Variants in MED23 observed in about 807,000 individuals in gnomAD.
MED23 encodes mediator complex subunit 23.
In MED23, 105 loss-of-function variants were observed where a neutral mutation model predicts 163.9. The ratio of observed to expected loss-of-function variants is 0.64; its 90% CI spans 0.55 to 0.75. MED23 has a LOEUF of 0.75. Among genes scored for constraint, MED23 ranks in the 30% least tolerant of loss-of-function variants. The pLI, the probability that MED23 is intolerant of heterozygous loss-of-function variation, is 0.00. For missense variants in MED23, 1,054 were observed against 1,649.0 expected (o/e 0.64, Z 6.25); for synonymous variants, 561 against 565.6 (o/e 0.99, Z 0.12).
rs1376977346 is a variant in MED23, at chr6:131,615,894, C to T, written c.876+13G>A. On this transcript the variant is annotated intron_variant, in intron 10 of 28. Transcript: ENST00000368068. ...TATGCAGAATTTACTAGGTTTCCAGCATAGTACAGTACCTGCTTATTTAAA... is the reference window on the plus strand; with the variant it reads ...TATGCAGAATTTACTAGGTTTCCAGTATAGTACAGTACCTGCTTATTTAAA... 6.3e-7 allele frequency: 1 copy of T among 1,593,384 alleles called. No homozygotes were observed. Among genetic ancestry groups the T allele is most frequent in the Non-Finnish European group, 8.6e-7 (1 of 1,161,294 alleles).
At chr6:131,592,646 T>C (rs1774730900) in intron 24 of MED23, 186 bp from the exon 25 acceptor site, 1 of 624,652 alleles carries the variant, frequency 1.6e-6, no homozygotes, top group Non-Finnish European at 2.8e-6. Flanking sequence ...GAAGGCTTTT[T>C]AAAAATACTT....
Position 131,596,164 on chromosome 6 carries a change from CTG to C in MED23, c.2779-3_2779-2del. The stretch of plus-strand genomic sequence containing the variant: ...CAAAATACAACTTCTCTGGATATTT[CTG>C]TGGAATTGAGAAGATGATAAATGGT... On this transcript the variant is annotated splice_acceptor_variant and splice_polypyrimidine_tract_variant and intron_variant, in intron 21 of 28. Transcript: ENST00000368068. LOFTEE classifies it high-confidence loss of function. 1 of 1,613,136 alleles carries C rather than the reference CTG, an allele frequency of 6.2e-7. No individual in the cohort carries two copies. The highest frequency in any genetic ancestry group is 1.1e-5 in the South Asian group (1 of 91,068).
At position 131,594,214 on chromosome 6, in the gene MED23, C is replaced by A. The variant is rs767368692; in HGVS notation, c.3117G>T (p.Pro1039=). ...AAGTGTCACTTAGACACCAGCCCTG[C>A]GGTCGATTATCCTTCAGAGAGCCAA... ...AIIGSLKDNR[P]QGWCLSDTYL... is the part of the protein sequence containing the mutation. Residue 1039 remains proline (P), a synonymous_variant, in exon 23 of 29, where the codon CCG becomes CCT. Coordinates refer to ENST00000368068, the MANE Select transcript of MED23 (RefSeq NM_004830.4). 1 of 1,614,144 alleles carries A rather than the reference C, an allele frequency of 6.2e-7. No homozygotes were observed. The highest frequency in any genetic ancestry group is 1.1e-5 in the South Asian group (1 of 91,084).
intron 30 of MED23, chr6:131,576,566 G>A (rs1474253234): frequency 6.7e-6 from 8 of 1,189,038 alleles, no homozygotes; most frequent in Non-Finnish European, 1.0e-5. Flanking sequence ...AAAAATGATA[G>A]TTACAGTTCA....
In MED23 at chr6:131,596,094, G is replaced by C; in HGVS notation, c.2848C>G (p.Pro950Ala). The C allele has an allele frequency of 6.2e-7, 1 of 1,614,142 alleles. No individual in the cohort carries two copies. The highest frequency in any genetic ancestry group is 2.2e-5 in the East Asian group (1 of 44,872). The change falls in exon 22 of 29, where the codon CCC (proline) becomes GCC (alanine). Residue 950 changes from proline to alanine, a missense_variant. By Grantham distance (27) the Pro-to-Ala change is conservative (BLOSUM62 -1). Coordinates refer to ENST00000368068, the MANE Select transcript of MED23 (RefSeq NM_004830.4). The part of the protein sequence containing the change: ...QVDPPVQIQS[P>A]YLPIYFGNVC... The stretch of plus-strand genomic sequence containing the variant: ...TTCCCAAAATAGATGGGCAGATAGG[G>C]AGACTGGATCTGTACAGGAGGATCC...
In MED23 at chr6:131,594,333, G is replaced by A. The variant is rs866726564; in HGVS notation, c.2998C>T (p.Arg1000Cys). 3 of 1,607,174 alleles carry A rather than the reference G, an allele frequency of 1.9e-6. No homozygotes were observed. The highest frequency in any genetic ancestry group is 2.6e-6 in the Non-Finnish European group (3 of 1,173,844). The change falls in exon 23 of 29, where the codon CGT becomes TGT. Residue 1000 changes from arginine (R) to cysteine (C), a missense_variant and splice_region_variant. By Grantham distance (180) the Arg-to-Cys change is radical. Around this residue, in one of 11 missense-constraint regions of MED23, gnomAD observed 362 missense variants for 471.6 expected, o/e 0.77. Coordinates refer to ENST00000368068, the MANE Select transcript of MED23 (RefSeq NM_004830.4). ...HLGGLYKFHD[R>C]PVTYLYNTLH... ...GTGTTATACAGATAAGTCACTGGACGATCTGCCAAGAAAAAAACATACCAC... is the reference window on the plus strand; with the variant it reads ...GTGTTATACAGATAAGTCACTGGACAATCTGCCAAGAAAAAAACATACCAC...
rs1267288026 is a variant in MED23 at position 131,624,925 on chromosome 6, C to A, written c.224G>T (p.Arg75Ile). 1.9e-6 allele frequency: 3 copies of A among 1,613,700 alleles called. No homozygotes were observed. The highest frequency in any genetic ancestry group is 2.5e-6 in the Non-Finnish European group (3 of 1,179,908). The change falls in exon 4 of 29, where the codon AGA becomes ATA. Residue 75 changes from arginine (R) to isoleucine (I), a missense_variant. Physicochemically the swap from Arg to Ile is moderately conservative, Grantham distance 97. Coordinates refer to ENST00000368068, the MANE Select transcript of MED23 (RefSeq NM_004830.4). ...TAAGCAGTCATAAAGAAAAGAAATT[C>A]TTTTAGGACTATGCTGACCATGAAT... ...KFIHGQHSPK[R>I]ISFLYDCLAM... is the part of the protein sequence containing the mutation.
intron 24 of MED23, 82 bp downstream of exon 24, chr6:131,592,924 G>A: frequency 6.5e-7 from 1 of 1,529,772 alleles, no homozygotes; most frequent in Non-Finnish European, 9.0e-7. Context: ...GCGGCAACAG[G>A]TTTGTCTTAA....
At chr6:131,616,750 G>T (rs1252852214) in intron 9 of MED23, among the ~76,000 whole-genome samples, 2 of 152,204 alleles carry the variant, frequency 1.3e-5, no homozygotes, top group Non-Finnish European at 2.9e-5. Context: ...GAGCCCCAAA[G>T]GTTGAGGGTG....
upstream of MED23, chr6:131,628,251 C>A: frequency 1.6e-6 from 1 of 611,770 alleles, no homozygotes; most frequent in Non-Finnish European, 2.9e-6. Context: ...ACGGGAAGGG[C>A]CCGGTACGCG....
chr6:131,593,007 T>C lies in MED23; in HGVS notation c.3397A>G (p.Ser1133Gly). 1 of 1,614,110 alleles carries C rather than the reference T, an allele frequency of 6.2e-7. No individual in the cohort carries two copies. The highest frequency in any genetic ancestry group is 1.1e-5 in the South Asian group (1 of 91,084). Residue 1133 changes from serine to glycine, a missense_variant and splice_region_variant, in exon 24 of 29, where the codon AGT becomes GGT. By Grantham distance (56) the Ser-to-Gly change is moderately conservative. Around this residue, in one of 11 missense-constraint regions of MED23, gnomAD observed 362 missense variants for 471.6 expected, o/e 0.77. Transcript: ENST00000368068. Reference protein sequence around the residue: ...GNALLNVVLKSQPLVPRENIT... With the variant: ...GNALLNVVLKGQPLVPRENIT... ...TACTGCATGAACCAGAATACATACC[T>C]TTTTAGGACAACATTTAGAAGGGCA... is the stretch of plus-strand genomic sequence containing the variant.
At chr6:131,620,237 TA>T (rs1056344948) in intron 7 of MED23, among the ~76,000 whole-genome samples, 2 of 152,116 alleles carry the variant, frequency 1.3e-5, no homozygotes, top group African/African-American at 2.4e-5. Context: ...AAGTCATCAT[TA>T]AAAAAATAAG....
intron 15 of MED23, among the ~76,000 whole-genome samples, chr6:131,603,418 G>C (rs1252560732): frequency 6.6e-6 from 1 of 152,020 alleles, no homozygotes; most frequent in Non-Finnish European, 1.5e-5. Context: ...TTTTTCCTGG[G>C]ATTTGGCAAT....
intron 30 of MED23, among the ~76,000 whole-genome samples, chr6:131,581,063 ATTGTT>A (rs1773894798): frequency 6.6e-6 from 1 of 152,140 alleles, no homozygotes; most frequent in Non-Finnish European, 1.5e-5. Flanking sequence ...TGCTTTCTCT[ATTGTT>A]TTAACTAATT....
At chr6:131,594,864 G>A (rs946718154) in intron 22 of MED23, among the ~76,000 whole-genome samples, 2 of 152,182 alleles carry the variant, frequency 1.3e-5, no homozygotes, top group Non-Finnish European at 2.9e-5. Context: ...TCTAAGAGGG[G>A]ATGGCAAGAG....
At position 131,587,818 on chromosome 6, in the gene MED23, G is replaced by C. The variant is rs1198337752; in HGVS notation, c.3968C>G (p.Pro1323Arg). 1 of 1,613,630 alleles carries C rather than the reference G, an allele frequency of 6.2e-7. No homozygotes were observed. The highest frequency in any genetic ancestry group is 8.5e-7 in the Non-Finnish European group (1 of 1,179,780). Reference protein sequence around the residue: ...QVEKIICNLKPALKLRLRFIT... With the variant: ...QVEKIICNLKRALKLRLRFIT... ...GAATCGAAGACGAAGTTTTAAAGCT[G>C]GTTTTAAGTTACAGATAATCTTCTC... is the stretch of plus-strand genomic sequence containing the variant. Residue 1323 changes from proline to arginine, a missense_variant, in exon 29 of 29, where the codon CCA (proline) becomes CGA (arginine). Coordinates refer to ENST00000368068, the MANE Select transcript of MED23 (RefSeq NM_004830.4).
At chr6:131,574,298 G>A (rs753875123) in intron 30 of MED23, 1 of 1,613,862 alleles carries the variant, frequency 6.2e-7, no homozygotes, top group Non-Finnish European at 8.5e-7. Flanking sequence ...ACTTTTTACT[G>A]CAAAACAAAT....
downstream of MED23, among the ~76,000 whole-genome samples, chr6:131,585,581 T>A (rs1386614200): frequency 6.6e-6 from 1 of 152,208 alleles, no homozygotes; most frequent in Non-Finnish European, 1.5e-5. Flanking sequence ...AAAATTCAGT[T>A]CCACATTTCA....
chr6:131,624,441 G>A (rs1049512588), intron 4 of MED23, among the ~76,000 whole-genome samples: 3 of 152,200 alleles, frequency 2.0e-5, no homozygotes, highest in African/African-American at 7.2e-5. Flanking sequence ...AGATATCTGA[G>A]TGGGGAAGCT....
Sources: allele counts gnomAD v4.1 joint callset (sites outside exome capture counted in the v4.1 genomes callset), GRCh38; gene constraint gnomAD v4.1.1; regional missense constraint gnomAD v4.1.1; transcripts MANE v1.5; gene names NCBI Gene and HGNC (gene_info 2026-07-23, HGNC 2026-07-21).